ZNF683: variants seen among roughly 807,000 people sequenced by gnomAD.
ZNF683 encodes the protein zinc finger protein 683, also known as tissue-resident T-cell transcription regulator protein ZNF683.
ZNF683 carries 20 observed loss-of-function variants against 31.4 expected under a neutral mutation model. The observed-to-expected ratio is 0.64, with a 90% confidence interval of 0.45 to 0.93. The LOEUF is 0.93. Ranked by LOEUF, ZNF683 falls within the 40% of genes least tolerant of loss-of-function variation. The probability of loss-of-function intolerance (pLI) is 0.00; values close to 1 mark genes in which losing one functional copy is unlikely to be tolerated. For synonymous variants in ZNF683, 264 were observed against 267.6 expected, an observed-to-expected ratio of 0.99 and a Z score of 0.13; for missense variants, 621 against 637.2, an observed-to-expected ratio of 0.97 and a Z score of 0.27.
chr1:26,374,452 G>A (rs948159464), upstream of ZNF683: 29 of 1,153,764 alleles, frequency 2.5e-5, no homozygotes, highest in African/African-American at 4.0e-4. Flanking sequence ...TGCCCCAGGA[G>A]GTGGGCTGAG....
At chr1:26,368,275 C>A (rs1186805011) in intron 2 of ZNF683, among the ~76,000 whole-genome samples, 183 bp downstream of exon 2, 1 of 152,234 alleles carries the variant, frequency 6.6e-6, no homozygotes, top group African/African-American at 2.4e-5. Context: ...GTCTGGGCCC[C>A]TGAGGCATGG....
chr1:26,370,602 C>A, intron 1 of ZNF683: 1 of 967,272 alleles, frequency 1.0e-6, no homozygotes, highest in Non-Finnish European at 1.2e-6. Context: ...CTCACTCCTC[C>A]CAACGCTGCT....
chr1:26,365,919 G>A (rs925746429), intron 3 of ZNF683, among the ~76,000 whole-genome samples: 1 of 152,038 alleles, frequency 6.6e-6, no homozygotes, highest in African/African-American at 2.4e-5. Context: ...GGTGGCTCAC[G>A]CCTGTAATCC....
Position 26,364,935 on chromosome 1 carries a change from T to A in ZNF683, c.611A>T (p.His204Leu). ...PGYPLLLPPP[H>L]LFTYGALPSD... is the part of the protein sequence containing the mutation. ...AGGTAGGGCCCCATAGGTGAACAGG[T>A]GGGGTGGAGGCAGGAGAAGTGGGTA... Residue 204 changes from histidine (H) to leucine (L), a missense_variant, in exon 4 of 6, where the codon CAC becomes CTC. Coordinates refer to ENST00000349618, the MANE Select transcript of ZNF683 (RefSeq NM_001114759.3). The A allele has an allele frequency of 6.4e-7, 1 of 1,552,416 alleles. No individual in the cohort carries two copies. Among genetic ancestry groups the A allele is most frequent in the Admixed American group, 2.0e-5 (1 of 50,164 alleles).
At chr1:26,370,223 C>A (rs947633833) in intron 1 of ZNF683, among the ~76,000 whole-genome samples, 7 of 152,182 alleles carry the variant, frequency 4.6e-5, no homozygotes, top group Non-Finnish European at 8.8e-5. Context: ...GGGAATCCTG[C>A]ATCCTAGCTC....
chr1:26,365,583 A>G (rs775745005), intron 3 of ZNF683, among the ~76,000 whole-genome samples: 1 of 152,220 alleles, frequency 6.6e-6, no homozygotes, highest in Non-Finnish European at 1.5e-5. Context: ...ATTAATTACA[A>G]TGATTCTAAT....
chr1:26,368,386 C>A, intron 2 of ZNF683, 72 bp downstream of exon 2: 1 of 1,462,762 alleles, frequency 6.8e-7, no homozygotes, highest in African/African-American at 1.4e-5. Flanking sequence ...AGACGTTCCC[C>A]TTTTTCCTCC....
chr1:26,361,683 G>T lies in ZNF683; in HGVS notation c.1483C>A (p.Pro495Thr). ...RAVSLSSAGT[P>T]LVMGQDQNN ...TTCTGGTCCTGCCCCATCACCAGGG[G>T]AGTCCCGGCACTGCTCAGGCTCACT... The change falls in exon 6 of 6, where the codon CCC becomes ACC. Residue 495 changes from proline (P) to threonine (T), a missense_variant. Physicochemically the swap from Pro to Thr is conservative, Grantham distance 38. Coordinates refer to ENST00000349618, the MANE Select transcript of ZNF683 (RefSeq NM_001114759.3). 6.2e-7 allele frequency: 1 copy of T among 1,613,642 alleles called. No homozygotes were observed. The highest frequency in any genetic ancestry group is 8.5e-7 in the Non-Finnish European group (1 of 1,179,698).
At chr1:26,374,099 T>A (rs931132360), upstream of ZNF683, among the ~76,000 whole-genome samples, 95 of 150,628 alleles carry the variant, frequency 6.3e-4, 1 homozygote, top group African/African-American at 2.3e-3. Context: ...AGTGGCCCCC[T>A]CAGTATCCTT....
chr1:26,368,367 GGTCCCTT>G (rs2074580619), intron 2 of ZNF683, 84 bp downstream of exon 2: 3 of 1,412,454 alleles, frequency 2.1e-6, no homozygotes, highest in Non-Finnish European at 2.8e-6. Context: ...AGGAGATCTA[GGTCCCTT>G]CAGACGTTCC....
chr1:26,366,342 C>CAAAAAA (rs1173737722), intron 3 of ZNF683, among the ~76,000 whole-genome samples: 5 of 68,998 alleles, frequency 7.2e-5, no homozygotes, highest in East Asian at 5.8e-4. Flanking sequence ...CAGCCTATCT[C>CAAAAAA]AAAAAAAAAA....
At position 26,363,073 on chromosome 1, in the gene ZNF683, G is replaced by A. The variant is rs1186471243; in HGVS notation, c.1096C>T (p.Gln366Ter). 2.5e-5 allele frequency: 40 copies of A among 1,612,512 alleles called. No homozygotes were observed. Among genetic ancestry groups the A allele is most frequent in the Non-Finnish European group, 3.0e-5 (35 of 1,179,282 alleles). The change falls in exon 5 of 6, where the codon CAG becomes TAG. Residue 366 changes from glutamine (Q) to a stop codon, truncating the protein, a stop_gained. Coordinates refer to ENST00000349618, the MANE Select transcript of ZNF683 (RefSeq NM_001114759.3). LOFTEE classifies it low-confidence loss of function (END_TRUNC). The stretch of plus-strand genomic sequence containing the variant: ...CCAGTGTGCACCAGGTGGTGCTTCT[G>A]CAGGTGGGCAAGTTGAGTGAAGCTC... ...QKSFTQLAHL[Q>*]KHHLVHTGER...
At chr1:26,369,677 A>AAAAAAAAGAAAGAAAAAG (rs2074620471) in intron 1 of ZNF683, among the ~76,000 whole-genome samples, 2 of 151,704 alleles carry the variant, frequency 1.3e-5, no homozygotes, top group African/African-American at 4.8e-5. Context: ...CCAAAAAAAA[A>AAAAAAAAGAAAGAAAAAG]AAATTAGCTG....
chr1:26,363,058 C>G lies in ZNF683; in HGVS notation c.1111G>C (p.Val371Leu). Reference sequence around the variant, plus strand: ...TTGTGGGGCCGCTCCCCAGTGTGCACCAGGTGGTGCTTCTGCAGGTGGGCA... The same window carrying G: ...TTGTGGGGCCGCTCCCCAGTGTGCAGCAGGTGGTGCTTCTGCAGGTGGGCA... ...QLAHLQKHHL[V>L]HTGERPHKCS... The change falls in exon 5 of 6, where the codon GTG (valine) becomes CTG (leucine). Residue 371 changes from valine to leucine, a missense_variant. By Grantham distance (32) the Val-to-Leu change is conservative. Coordinates refer to ENST00000349618, the MANE Select transcript of ZNF683 (RefSeq NM_001114759.3). The G allele has an allele frequency of 6.2e-7, 1 of 1,612,268 alleles. No individual in the cohort carries two copies. Among genetic ancestry groups the G allele is most frequent in the Admixed American group, 1.7e-5 (1 of 59,736 alleles).
upstream of ZNF683, chr1:26,374,257 C>G (rs564648241): frequency 1.6e-5 from 21 of 1,304,188 alleles, no homozygotes; most frequent in African/African-American, 2.9e-4. Context: ...TTCCTCCCCT[C>G]CAAGGCACTT....
chr1:26,370,576 C>T (rs759272457), intron 1 of ZNF683: 15 of 897,292 alleles, frequency 1.7e-5, no homozygotes, highest in African/African-American at 3.6e-5. Context: ...AAAACCCCTT[C>T]TCCTTTCCCT....
At chr1:26,370,829 G>C in intron 1 of ZNF683, 1 of 652,450 alleles carries the variant, frequency 1.5e-6, no homozygotes, top group Non-Finnish European at 1.9e-6. Flanking sequence ...AGGCTTGGGG[G>C]CCCTGCAAGG....
Position 26,364,542 on chromosome 1 carries a change from G to A in ZNF683, c.1004C>T (p.Ser335Phe), listed in dbSNP as rs1379919506. Residue 335 changes from serine (S) to phenylalanine (F), a missense_variant, in exon 4 of 6, where the codon TCC becomes TTC. Coordinates refer to ENST00000349618, the MANE Select transcript of ZNF683 (RefSeq NM_001114759.3). ...CCAGGAGGCAGATACCTTGAGATTG[G>A]AGAGCTGCCCAAAGCTCTTGCCACA... is the stretch of plus-strand genomic sequence containing the variant. The part of the protein sequence containing the change: ...NICGKSFGQL[S>F]NLKVHLRVHS... 1.9e-6 allele frequency: 3 copies of A among 1,613,880 alleles called. No homozygotes were observed. The highest frequency in any genetic ancestry group is 3.3e-4 in the Middle Eastern group (2 of 6,062).
chr1:26,364,856 G>A lies in ZNF683; in HGVS notation c.690C>T (p.Thr230=), dbSNP rs142734084. The A allele has an allele frequency of 7.4e-4, 1,149 of 1,561,226 alleles. 3 individuals carry two copies. The highest frequency in any genetic ancestry group is 8.7e-4 in the Non-Finnish European group (1,000 of 1,154,402). Residue 230 remains threonine, a synonymous_variant, in exon 4 of 6, where the codon ACC becomes ACT. Coordinates refer to ENST00000349618, the MANE Select transcript of ZNF683 (RefSeq NM_001114759.3). ...TCATCAGCAGGCTAGGCATAGCCATGGTGGGGTAGGAGGGGTCTTGGGGCA... is the reference window on the plus strand; with the variant it reads ...TCATCAGCAGGCTAGGCATAGCCATAGTGGGGTAGGAGGGGTCTTGGGGCA... ...LMLPQDPSYP[T]MAMPSLLMMV...
Sources: gnomAD v4.1 joint callset for allele counts (sites outside exome capture counted in the v4.1 genomes callset) on GRCh38, gnomAD v4.1.1 for gene constraint, MANE v1.5 for transcripts, NCBI Gene and HGNC (gene_info 2026-07-23, HGNC 2026-07-21) for gene names.